Variants in MYMK observed in about 807,000 individuals in gnomAD.
MYMK encodes protein myomaker.
In MYMK, 16 loss-of-function variants were observed where a neutral mutation model predicts 22.4. The ratio of observed to expected loss-of-function variants is 0.72; its 90% confidence interval spans 0.48 to 1.09. MYMK has a LOEUF of 1.09. MYMK is among the 50% of genes least tolerant of loss of function. The probability of loss-of-function intolerance (pLI) is 0.00; values close to 1 mark genes in which losing one functional copy is unlikely to be tolerated. For synonymous variants in MYMK, 125 were observed against 127.0 expected, an observed-to-expected ratio of 0.98 and a Z score of 0.11; for missense variants, 250 against 295.6, an observed-to-expected ratio of 0.85 and a Z score of 1.13.
Position 133,515,765 on chromosome 9 carries a change from T to C in MYMK, c.400-158A>G, listed in dbSNP as rs1210975107. Among the ~76,000 whole-genome samples the C allele has an allele frequency of 2.0e-5, 3 of 152,080 alleles. No homozygotes were observed. Among genetic ancestry groups the C allele is most frequent in the Non-Finnish European group, 4.4e-5 (3 of 67,990 alleles). On this transcript the variant is annotated intron_variant, in intron 3 of 4. Coordinates refer to ENST00000339996, the MANE Select transcript of MYMK (RefSeq NM_001080483.3). The surrounding 1 kb of genome is among the most constrained non-coding windows in gnomAD (Gnocchi z 5.8). ...GCCTCCTGCCGCACCCAGCCTCAGA[T>C]GGCTTCTGCTGGACAGGGCCCTTCA... is the stretch of plus-strand genomic sequence containing the variant.
chr9:133,521,752 G>A (rs935507588), intron 1 of MYMK, among the ~76,000 whole-genome samples: 2 of 152,202 alleles, frequency 1.3e-5, no homozygotes, highest in Non-Finnish European at 2.9e-5. Flanking sequence ...TGGGAAAGAG[G>A]AGCGAGGAAG....
intron 2 of MYMK, among the ~76,000 whole-genome samples, chr9:133,519,832 C>T (rs1170761468): frequency 6.6e-6 from 1 of 152,166 alleles, no homozygotes; most frequent in Non-Finnish European, 1.5e-5. Context: ...AGCCAACCCC[C>T]CTGAGCAGTG....
intron 3 of MYMK, among the ~76,000 whole-genome samples, chr9:133,516,854 G>T (rs1280694283): frequency 6.6e-6 from 1 of 152,108 alleles, no homozygotes; most frequent in Admixed American, 6.5e-5. Context: ...TCTTCCTCCC[G>T]GGCTGCCATT....
chr9:133,517,204 AG>A (rs1844642540), intron 3 of MYMK, among the ~76,000 whole-genome samples: 1 of 152,140 alleles, frequency 6.6e-6, no homozygotes, highest in Non-Finnish European at 1.5e-5. Flanking sequence ...GCCAGGACCC[AG>A]GGCCCCAGCA....
In MYMK at chr9:133,524,958, C is replaced by A. The variant is rs566932584; in HGVS notation, c.-114G>T. ...CCTTTGGGCAGGGCTCTGATGGCAG[C>A]TGCGGGGAGCACCCACAAGAGGGTT... is the stretch of plus-strand genomic sequence containing the variant. On this transcript the variant is annotated 5_prime_UTR_variant, in exon 1 of 5. Transcript: ENST00000339996. 344 of 1,262,234 alleles carry A rather than the reference C, an allele frequency of 2.7e-4. 1 individual carries two copies. The highest frequency in any genetic ancestry group is 1.7e-4 in the Non-Finnish European group (152 of 920,524). 78.2% of individuals were successfully genotyped at this position (1,262,234 alleles called of 1,614,324 possible).
chr9:133,515,599 C>A lies in MYMK; in HGVS notation c.408G>T (p.Lys136Asn). The A allele has an allele frequency of 3.7e-6, 6 of 1,611,588 alleles. No individual in the cohort carries two copies. The highest frequency in any genetic ancestry group is 3.3e-5 in the South Asian group (3 of 91,028). Residue 136 changes from lysine to asparagine, a missense_variant, in exon 4 of 5, where the codon AAG becomes AAT. Coordinates refer to ENST00000339996, the MANE Select transcript of MYMK (RefSeq NM_001080483.3). The surrounding 1 kb of genome is among the most constrained non-coding windows in gnomAD (Gnocchi z 5.8). ...ILIIAAKWLQ[K>N]MKEKKGLYPD... is the part of the protein sequence containing the mutation. ...GGTACAGGCCCTTCTTCTCCTTCAT[C>A]TTCTGTAGCTGTGAGGACAGGAGGC... is the stretch of plus-strand genomic sequence containing the variant.
chr9:133,518,605 C>T (rs2131069363), intron 3 of MYMK, among the ~76,000 whole-genome samples: 1 of 152,334 alleles, frequency 6.6e-6, no homozygotes, highest in African/African-American at 2.4e-5. Flanking sequence ...GTAATGACAA[C>T]ACCTGCTTTA....
chr9:133,519,316 C>T (rs1844670364), intron 2 of MYMK, among the ~76,000 whole-genome samples: 1 of 152,042 alleles, frequency 6.6e-6, no homozygotes, highest in Non-Finnish European at 1.5e-5. Context: ...TCTGCAATCC[C>T]AGTGCTTTGG....
In MYMK at chr9:133,521,755, C is replaced by T. The variant is rs186038843; in HGVS notation, c.136-1467G>A. ...CTTACACCTCTGTGGGAAAGAGGAG[C>T]GAGGAAGACTCCGGCCCTAGGCTGT... On this transcript the variant is annotated intron_variant, in intron 1 of 4. Transcript: ENST00000339996. Among the ~76,000 whole-genome samples the T allele has an allele frequency of 3.9e-4, 60 of 152,242 alleles. 1 individual carries two copies. The South Asian group carries it at 6.8e-3, about 17-fold the overall frequency.
intron 4 of MYMK, 45 bp from the exon 5 acceptor site, chr9:133,514,830 G>A (rs1339451135): frequency 3.1e-6 from 5 of 1,588,060 alleles, no homozygotes; most frequent in East Asian, 2.2e-5. Context: ...CCCCCTCCCC[G>A]AGGCTCCTCC....
At position 133,524,674 on chromosome 9, in the gene MYMK, G is replaced by A. The variant is rs184451146; in HGVS notation, c.135+36C>T. ...GCCTCTCCTCTACCTCCAGGATGGG[G>A]CCTGTGTGGGACTTCCTCCCAGCCC... On this transcript the variant is annotated intron_variant, in intron 1 of 4. Coordinates refer to ENST00000339996, the MANE Select transcript of MYMK (RefSeq NM_001080483.3). 2.5e-4 allele frequency: 402 copies of A among 1,614,022 alleles called. 5 individuals carry two copies. The African/African-American group carries it at 4.6e-3, about 18-fold the overall frequency.
At chr9:133,523,862 A>G (rs1236855459) in intron 1 of MYMK, among the ~76,000 whole-genome samples, 1 of 152,104 alleles carries the variant, frequency 6.6e-6, no homozygotes, top group Non-Finnish European at 1.5e-5. Context: ...AGAACCAGAC[A>G]GAGAGAGAAA....
rs1247319917 is a variant in MYMK at position 133,514,626 on chromosome 9, G to A, written c.*10C>T. ...GAGGGCAGGGGCTCAGAGCCGGGCT[G>A]GGCGCAGCATCAGACACAAGCACAG... On this transcript the variant is annotated 3_prime_UTR_variant, in exon 5 of 5. Transcript: ENST00000339996. 1 of 1,611,572 alleles carries A rather than the reference G, an allele frequency of 6.2e-7. No homozygotes were observed. The highest frequency in any genetic ancestry group is 8.5e-7 in the Non-Finnish European group (1 of 1,178,508).
rs964335184 is a variant in MYMK, at chr9:133,518,975, C to T, written c.298G>A (p.Gly100Ser). 4.3e-6 allele frequency: 7 copies of T among 1,613,882 alleles called. No homozygotes were observed. Among genetic ancestry groups the T allele is most frequent in the South Asian group, 1.1e-5 (1 of 91,070 alleles). ...ATCCGCACAGCAATGGTCAGGACGC[C>T]GAACATCACAAATGTTGACCTCTTG... ...EPKRSTFVMFGVLTIAVRIYH... is the reference protein window; with the variant it reads ...EPKRSTFVMFSVLTIAVRIYH... The change falls in exon 3 of 5, where the codon GGC becomes AGC. Residue 100 changes from glycine to serine, a missense_variant. Transcript: ENST00000339996.
At chr9:133,517,100 T>C (rs1844640899) in intron 3 of MYMK, among the ~76,000 whole-genome samples, 1 of 152,156 alleles carries the variant, frequency 6.6e-6, no homozygotes, top group Admixed American at 6.5e-5. Flanking sequence ...CAGTGAATTC[T>C]CTTCTGGGCA....
chr9:133,522,564 T>A (rs1844714061), intron 1 of MYMK, among the ~76,000 whole-genome samples: 1 of 151,946 alleles, frequency 6.6e-6, no homozygotes. Flanking sequence ...CCACTCTGGG[T>A]GGGGCAGGGT....
At chr9:133,520,057 G>A (rs1033602261) in intron 2 of MYMK, 117 bp downstream of exon 2, 3 of 703,644 alleles carry the variant, frequency 4.3e-6, no homozygotes, top group Non-Finnish European at 7.4e-6. Flanking sequence ...GACATTCCTG[G>A]GGCTGGGAGT....
At position 133,520,259 on chromosome 9, in the gene MYMK, C is replaced by G. The variant is rs574959179; in HGVS notation, c.165G>C (p.Leu55Phe). ...CGTGACGCATGAAGCACAGCACAGA[C>G]AAGCCGGGTCCATTGCAGGCATGGT... is the stretch of plus-strand genomic sequence containing the variant. ...ALHHACNGPG[L>F]SVLCFMRHDI... is the part of the protein sequence containing the mutation. The change falls in exon 2 of 5, where the codon TTG becomes TTC. Residue 55 changes from leucine (L) to phenylalanine (F), a missense_variant. Coordinates refer to ENST00000339996, the MANE Select transcript of MYMK (RefSeq NM_001080483.3). 17 of 1,614,166 alleles carry G rather than the reference C, an allele frequency of 1.1e-5. No individual in the cohort carries two copies. The African/African-American group carries it at 1.9e-4, about 18-fold the overall frequency.
intron 1 of MYMK, among the ~76,000 whole-genome samples, chr9:133,522,526 C>T (rs951269709): frequency 1.3e-5 from 2 of 152,090 alleles, no homozygotes; most frequent in Admixed American, 6.5e-5. Context: ...GTTCAGAAGA[C>T]GTTTGTCACA....
Sources: allele counts gnomAD v4.1 joint callset (sites outside exome capture counted in the v4.1 genomes callset), GRCh38; gene constraint gnomAD v4.1.1; non-coding constraint Gnocchi (gnomAD v3.1); transcripts MANE v1.5; gene names NCBI Gene and HGNC (gene_info 2026-07-23, HGNC 2026-07-21).